Variants in KIF20B observed in about 807,000 individuals in gnomAD.
KIF20B encodes the protein kinesin family member 20B, also known as kinesin-like protein KIF20B.
KIF20B carries 188 observed loss-of-function variants against 232.5 expected under a neutral mutation model. The observed-to-expected ratio is 0.81, with a 90% CI of 0.72 to 0.91. The LOEUF (loss-of-function observed/expected upper bound fraction) is 0.91, where lower values mean the gene tolerates loss of function less well. KIF20B is among the 40% of genes least tolerant of loss of function. KIF20B has a pLI of 0.00. For missense variants in KIF20B, 2,154 were observed against 2,055.9 expected, an observed-to-expected ratio of 1.05 and a Z score of -0.92; for synonymous variants, 712 against 683.0, an observed-to-expected ratio of 1.04 and a Z score of -0.66.
rs755224380 is a variant in KIF20B at position 89,718,771 on chromosome 10, A to G, written c.1333A>G (p.Asn445Asp). Residue 445 changes from asparagine to aspartate, a missense_variant, in exon 12 of 33, where the codon AAT (asparagine) becomes GAT (aspartate). Transcript: ENST00000371728. Reference sequence around the variant, plus strand: ...GACTCACTATTTTCAAAGTTTTTTTAATGGTAAAGGGAAAATTTGTATGAT... The same window carrying G: ...GACTCACTATTTTCAAAGTTTTTTTGATGGTAAAGGGAAAATTTGTATGAT... ...KLTHYFQSFF[N>D]GKGKICMIVN... 7.4e-6 allele frequency: 12 copies of G among 1,611,850 alleles called. No homozygotes were observed. Among genetic ancestry groups the G allele is most frequent in the Non-Finnish European group, 8.5e-6 (10 of 1,178,748 alleles).
chr10:89,765,641 A>G (rs1842343745), intron 29 of KIF20B, among the ~76,000 whole-genome samples: 1 of 152,164 alleles, frequency 6.6e-6, no homozygotes, highest in African/African-American at 2.4e-5. Context: ...CTATACTACA[A>G]GGCTACAGTA....
chr10:89,702,804 A>C (rs1379106058), intron 1 of KIF20B, among the ~76,000 whole-genome samples: 3 of 151,266 alleles, frequency 2.0e-5, no homozygotes, highest in African/African-American at 7.3e-5. Context: ...CATTATTTTA[A>C]GTCATTAGGT....
intron 26 of KIF20B, 45 bp from the exon 27 acceptor site, chr10:89,758,661 A>G: frequency 7.5e-7 from 1 of 1,324,778 alleles, no homozygotes; most frequent in Non-Finnish European, 1.0e-6. Context: ...TTAGATTCAT[A>G]ATATATCAAG....
At chr10:89,757,934 A>G (rs1201396813) in intron 26 of KIF20B, among the ~76,000 whole-genome samples, 1 of 151,584 alleles carries the variant, frequency 6.6e-6, no homozygotes, top group Non-Finnish European at 1.5e-5. Flanking sequence ...AAGTCAGTTG[A>G]CCATGCATTT....
At chr10:89,768,095 A>G (rs981608722) in intron 29 of KIF20B, among the ~76,000 whole-genome samples, 195 bp from the exon 30 acceptor site, 1 of 151,976 alleles carries the variant, frequency 6.6e-6, no homozygotes, top group Non-Finnish European at 1.5e-5. Flanking sequence ...GTGGCCAATA[A>G]TATCCCCTTC....
intron 29 of KIF20B, among the ~76,000 whole-genome samples, chr10:89,764,299 T>A (rs780530225): frequency 0.014 from 2,196 of 152,228 alleles, 33 homozygotes; most frequent in Non-Finnish European, 0.025. Context: ...TCTATCATTG[T>A]TGGACATTTG....
intron 8 of KIF20B, 52 bp downstream of exon 8, chr10:89,715,234 T>A: frequency 8.8e-7 from 1 of 1,140,678 alleles, no homozygotes; most frequent in South Asian, 1.4e-5. Flanking sequence ...CTTCCTGGGC[T>A]TTGTGATAGC....
chr10:89,734,785 G>T (rs1260712564), intron 19 of KIF20B, among the ~76,000 whole-genome samples: 11 of 152,176 alleles, frequency 7.2e-5, no homozygotes, highest in Non-Finnish European at 1.5e-5. Context: ...ACTACAAGAG[G>T]TTTGACGTTT....
chr10:89,750,139 A>G (rs1229994360), intron 23 of KIF20B, among the ~76,000 whole-genome samples: 2 of 152,062 alleles, frequency 1.3e-5, no homozygotes, highest in African/African-American at 4.8e-5. Context: ...TTACTGCTCT[A>G]GTTTGCTAGC....
intron 19 of KIF20B, 176 bp downstream of exon 19, chr10:89,733,232 A>G: frequency 1.8e-6 from 1 of 563,620 alleles, no homozygotes; most frequent in Non-Finnish European, 3.1e-6. Context: ...GCATAGTTAA[A>G]GCTTTTATCT....
chr10:89,710,606 G>A (rs931163144), intron 5 of KIF20B, among the ~76,000 whole-genome samples: 1 of 134,598 alleles, frequency 7.4e-6, no homozygotes, highest in Admixed American at 7.1e-5. Flanking sequence ...TTTAGATGAT[G>A]ATTAAAATCC....
chr10:89,754,440 T>C, intron 25 of KIF20B, 78 bp from the exon 26 acceptor site: 1 of 870,074 alleles, frequency 1.1e-6, no homozygotes, highest in Non-Finnish European at 1.6e-6. Flanking sequence ...AGTAATGGAT[T>C]GTATGAAAAT....
intron 26 of KIF20B, among the ~76,000 whole-genome samples, chr10:89,757,595 A>T (rs1398297495): frequency 6.6e-6 from 1 of 151,934 alleles, no homozygotes; most frequent in Admixed American, 6.6e-5. Flanking sequence ...GGTGTGTTAT[A>T]TTATTTCCTG....
intron 29 of KIF20B, among the ~76,000 whole-genome samples, chr10:89,763,570 A>G (rs1208047401): frequency 6.6e-6 from 1 of 152,162 alleles, no homozygotes; most frequent in Non-Finnish European, 1.5e-5. Flanking sequence ...AAGTTTTAAA[A>G]GAGAAATTCT....
At chr10:89,703,243 G>C (rs1842650020) in intron 1 of KIF20B, among the ~76,000 whole-genome samples, 1 of 152,020 alleles carries the variant, frequency 6.6e-6, no homozygotes, top group African/African-American at 2.4e-5. Flanking sequence ...CCTTACCCAT[G>C]ATCTAGATCA....
At chr10:89,703,699 T>G (rs191679685) in intron 1 of KIF20B, among the ~76,000 whole-genome samples, 371 of 152,030 alleles carry the variant, frequency 2.4e-3, no homozygotes, top group African/African-American at 8.2e-3. Flanking sequence ...TTTGGGCCAT[T>G]TTGAAAGTAA....
chr10:89,746,375 A>C (rs1372405427), intron 23 of KIF20B, among the ~76,000 whole-genome samples: 1 of 152,208 alleles, frequency 6.6e-6, no homozygotes, highest in Non-Finnish European at 1.5e-5. Flanking sequence ...ATGGGGAGCC[A>C]GAAGGGGATG....
chr10:89,762,612 A>G (rs749871992), intron 28 of KIF20B, 26 bp from the exon 29 acceptor site: 1 of 1,543,274 alleles, frequency 6.5e-7, no homozygotes, highest in Admixed American at 1.7e-5. Flanking sequence ...TACAAATAAT[A>G]TTTTTCCTTT....
In KIF20B at chr10:89,715,149, T is replaced by C; in HGVS notation, c.907T>C (p.Ser303Pro). 6.2e-7 allele frequency: 1 copy of C among 1,603,742 alleles called. No homozygotes were observed. Among genetic ancestry groups the C allele is most frequent in the Non-Finnish European group, 8.5e-7 (1 of 1,175,492 alleles). ...CCAAAAGAGAAAGATGCTGCGCCTT[T>C]CCCAAGACGTAAAGGGCTATTCTTT... Reference protein sequence around the residue: ...KFQKRKMLRLSQDVKGYSFIK... With the variant: ...KFQKRKMLRLPQDVKGYSFIK... The change falls in exon 8 of 33, where the codon TCC becomes CCC. Residue 303 changes from serine to proline, a missense_variant. Physicochemically the swap from Ser to Pro is moderately conservative, Grantham distance 74. Transcript: ENST00000371728.
Sources: gnomAD v4.1 joint callset for allele counts (sites outside exome capture counted in the v4.1 genomes callset) on GRCh38, gnomAD v4.1.1 for gene constraint, MANE v1.5 for transcripts, NCBI Gene and HGNC (gene_info 2026-07-23, HGNC 2026-07-21) for gene names.